Variants in NRG3 observed in about 807,000 individuals in gnomAD.
NRG3 encodes pro-neuregulin-3, membrane-bound isoform.
A neutral mutation model predicts 66.9 loss-of-function variants in NRG3; 31 were observed. The observed-to-expected ratio is 0.46, with a 90% confidence interval of 0.35 to 0.63. The LOEUF is 0.63. Ranked by LOEUF, NRG3 falls within the 20% of genes least tolerant of loss-of-function variation. The pLI is 0.00. For missense variants in NRG3, 910 were observed against 878.9 expected, an observed-to-expected ratio of 1.04 and a Z score of -0.45; for synonymous variants, 393 against 359.4, an observed-to-expected ratio of 1.09 and a Z score of -1.06.
intron 1 of NRG3, among the ~76,000 whole-genome samples, chr10:81,987,949 A>C: frequency 6.6e-6 from 1 of 152,218 alleles, no homozygotes; most frequent in East Asian, 1.9e-4. Context: ...CATGACCAAC[A>C]ATACTGAGCA....
intron 3 of NRG3, among the ~76,000 whole-genome samples, chr10:82,847,506 T>C (rs1339721704): frequency 6.6e-6 from 1 of 152,222 alleles, no homozygotes; most frequent in Non-Finnish European, 1.5e-5. Context: ...AGGTCAAACA[T>C]GGTTACTGAA....
rs372180470 is a variant in NRG3 at position 82,398,809 on chromosome 10, T to C, written c.953+39941T>C. On this transcript the variant is annotated intron_variant, in intron 2 of 8. Coordinates refer to ENST00000372141, the MANE Select transcript of NRG3 (RefSeq NM_001010848.4). The stretch of plus-strand genomic sequence containing the variant: ...ATTCCGCCAGTGATCATTCCTGGGC[T>C]TCAGGACCTGCCATGATGCCCTGGA... Among the ~76,000 whole-genome samples the C allele has an allele frequency of 5.0e-3, 765 of 152,202 alleles. 8 individuals carry two copies. The highest frequency in any genetic ancestry group is 0.018 in the African/African-American group (728 of 41,536).
intron 2 of NRG3, among the ~76,000 whole-genome samples, chr10:82,709,302 C>A (rs2056507952): frequency 6.6e-6 from 1 of 152,008 alleles, no homozygotes; most frequent in African/African-American, 2.4e-5. Flanking sequence ...GAGCTATAAT[C>A]CCAGGTGTCG....
rs192816715 is a variant in NRG3, at chr10:82,098,986, C to T, written c.823+222823C>T. ...TTCACCGTGTTAGCCAGGATGGTCT[C>T]GATCTCCTGACCTCGTGATCTGCCC... On this transcript the variant is annotated intron_variant, in intron 1 of 8. Coordinates refer to ENST00000372141, the MANE Select transcript of NRG3 (RefSeq NM_001010848.4). 2.0e-4 allele frequency among the ~76,000 whole-genome samples: 30 copies of T among 152,216 alleles called. 1 individual carries two copies. The highest frequency in any genetic ancestry group is 1.5e-3 in the Admixed American group (23 of 15,292).
At chr10:82,661,163 A>T (rs1013253839) in intron 2 of NRG3, among the ~76,000 whole-genome samples, 1 of 152,122 alleles carries the variant, frequency 6.6e-6, no homozygotes, top group African/African-American at 2.4e-5. Flanking sequence ...ACAATTACTC[A>T]CTGGGCTCTT....
At chr10:82,431,736 G>C (rs912994790) in intron 2 of NRG3, among the ~76,000 whole-genome samples, 10 of 152,058 alleles carry the variant, frequency 6.6e-5, no homozygotes, top group Non-Finnish European at 1.2e-4. Context: ...ATTAAAAAAA[G>C]ATAATGTCTT....
intron 2 of NRG3, among the ~76,000 whole-genome samples, chr10:82,626,624 T>C (rs934028762): frequency 3.9e-5 from 6 of 152,148 alleles, no homozygotes; most frequent in African/African-American, 1.4e-4. Flanking sequence ...ATTAAAAGAA[T>C]TACAAGGGAT....
At chr10:82,583,626 T>C (rs2046492891) in intron 2 of NRG3, among the ~76,000 whole-genome samples, 1 of 152,178 alleles carries the variant, frequency 6.6e-6, no homozygotes. Flanking sequence ...TGAAATGTGT[T>C]ATTTTATATT....
chr10:82,800,375 A>G (rs1015865201), intron 3 of NRG3, among the ~76,000 whole-genome samples: 7 of 152,088 alleles, frequency 4.6e-5, no homozygotes, highest in Non-Finnish European at 1.0e-4. Context: ...TATAACAATT[A>G]TTTTTACCTA....
chr10:82,603,528 T>C (rs559209320), intron 2 of NRG3, among the ~76,000 whole-genome samples: 1 of 152,302 alleles, frequency 6.6e-6, no homozygotes, highest in South Asian at 2.1e-4. Context: ...GAAATCCCAG[T>C]GTCCACATTT....
chr10:82,909,110 C>T (rs977217158), intron 4 of NRG3, among the ~76,000 whole-genome samples: 2 of 152,196 alleles, frequency 1.3e-5, no homozygotes, highest in African/African-American at 4.8e-5. Flanking sequence ...GACTTAATTT[C>T]ACTTTTGAAC....
chr10:82,360,313 G>A (rs772670654), intron 2 of NRG3, among the ~76,000 whole-genome samples: 7 of 152,196 alleles, frequency 4.6e-5, no homozygotes, highest in Non-Finnish European at 8.8e-5. Context: ...CCTTCAAAGC[G>A]TGATGTGCAT....
chr10:82,617,013 A>G (rs2048696903), intron 2 of NRG3, among the ~76,000 whole-genome samples: 1 of 152,210 alleles, frequency 6.6e-6, no homozygotes, highest in African/African-American at 2.4e-5. Flanking sequence ...ATTTCTGGGC[A>G]TACGTATTGG....
intron 2 of NRG3, among the ~76,000 whole-genome samples, chr10:82,417,072 G>C (rs1187757325): frequency 1.3e-5 from 2 of 152,158 alleles, no homozygotes; most frequent in Non-Finnish European, 1.5e-5. Flanking sequence ...ATTATTCCCT[G>C]ATTCAGTCCC....
At chr10:82,002,547 A>G (rs1249102384) in intron 1 of NRG3, among the ~76,000 whole-genome samples, 1 of 152,148 alleles carries the variant, frequency 6.6e-6, no homozygotes, top group Non-Finnish European at 1.5e-5. Context: ...TACAGTATAA[A>G]CTTCTAGTTT....
At chr10:82,852,349 G>A (rs2063600961) in intron 3 of NRG3, among the ~76,000 whole-genome samples, 1 of 152,086 alleles carries the variant, frequency 6.6e-6, no homozygotes, top group Non-Finnish European at 1.5e-5. Context: ...TGCACACGGG[G>A]CTTAAAACCT....
At chr10:82,567,851 G>C (rs887028457) in intron 2 of NRG3, among the ~76,000 whole-genome samples, 1 of 151,594 alleles carries the variant, frequency 6.6e-6, no homozygotes, top group Admixed American at 6.6e-5. Flanking sequence ...ACTAATTAAT[G>C]AACTCATATA....
intron 1 of NRG3, among the ~76,000 whole-genome samples, chr10:82,052,086 AG>A (rs1483040953): frequency 6.6e-6 from 1 of 151,010 alleles, no homozygotes; most frequent in Non-Finnish European, 1.5e-5. Flanking sequence ...AATGTATGAC[AG>A]GCAGAACTGT....
chr10:82,174,005 T>C (rs1425012471), intron 1 of NRG3, among the ~76,000 whole-genome samples: 21 of 152,172 alleles, frequency 1.4e-4, no homozygotes, highest in Admixed American at 1.4e-3. Flanking sequence ...ATTCCTACAA[T>C]TCAGGTTCTC....
Sources: allele counts gnomAD v4.1 joint callset (sites outside exome capture counted in the v4.1 genomes callset), GRCh38; gene constraint gnomAD v4.1.1; transcripts MANE v1.5; gene names NCBI Gene and HGNC (gene_info 2026-07-23, HGNC 2026-07-21).